POLA1: variants seen among roughly 807,000 people sequenced by gnomAD.
POLA1 encodes the protein DNA polymerase alpha catalytic subunit.
A neutral mutation model predicts 124.0 loss-of-function variants in POLA1; 15 were observed. The ratio of observed to expected loss-of-function variants is 0.12; its 90% CI spans 0.08 to 0.19. The LOEUF is 0.19. Among genes scored for constraint, POLA1 ranks in the 10% least tolerant of loss-of-function variants. POLA1 has a pLI of 1.00. For missense variants in POLA1, 886 were observed against 1,103.4 expected (o/e 0.80, Z 2.79); for synonymous variants, 408 against 389.4 (o/e 1.05, Z -0.56).
rs1308114553 is a variant in POLA1 at position 24,714,445 on chromosome X, T to G, written c.347-109T>G. 8.3e-6 allele frequency: 4 copies of G among 481,949 alleles called. No individual in the cohort carries two copies. In the East Asian group the frequency reaches 1.5e-4, roughly 18 times the overall value. The allele number at this position is 481,949 out of a possible 1,213,427, so 39.7% of individuals were successfully genotyped here. ...TGCTGGGAATACAGGCATGATGTAT[T>G]TTTAATTCTTAACATTTTTCTTCCC... is the stretch of plus-strand genomic sequence containing the variant. On this transcript the variant is annotated intron_variant, in intron 4 of 36. Coordinates refer to ENST00000379068, the MANE Select transcript of POLA1 (RefSeq NM_001330360.2).
intron 17 of POLA1, among the ~76,000 whole-genome samples, chrX:24,734,704 C>G (rs1454317906): frequency 2.7e-5 from 3 of 111,520 alleles, no homozygotes; most frequent in African/African-American, 6.5e-5. Context: ...GCAGCCTCCA[C>G]TCCCTAGTTC....
At chrX:24,982,069 CT>C (rs201718904) in intron 36 of POLA1, among the ~76,000 whole-genome samples, 5,111 of 104,984 alleles carry the variant, frequency 0.049, 149 homozygotes, top group East Asian at 0.21. Context: ...TCTCAGGTCC[CT>C]TTTTTTTTTC....
intron 12 of POLA1, 132 bp downstream of exon 12, chrX:24,724,583 T>C: frequency 2.4e-6 from 1 of 415,811 alleles, no homozygotes; most frequent in South Asian, 4.7e-5. Flanking sequence ...GGAAATTTCA[T>C]AGGTATGAAT....
chrX:24,993,469 C>T (rs1367610425), intron 36 of POLA1, among the ~76,000 whole-genome samples: 1 of 112,676 alleles, frequency 8.9e-6, no homozygotes, highest in Non-Finnish European at 1.9e-5. Flanking sequence ...CTCTCAAAAT[C>T]AAAGCAGGAA....
chrX:24,871,178 A>C (rs1178963633), intron 34 of POLA1, among the ~76,000 whole-genome samples: 1 of 112,308 alleles, frequency 8.9e-6, no homozygotes, highest in Non-Finnish European at 1.9e-5. Context: ...AGAATATGCC[A>C]TTTAGTCTCA....
intron 31 of POLA1, among the ~76,000 whole-genome samples, chrX:24,825,619 G>T (rs2046160073): frequency 8.9e-6 from 1 of 112,037 alleles, no homozygotes; most frequent in Admixed American, 9.5e-5. Flanking sequence ...AGAGATGATG[G>T]TGACATCATT....
intron 20 of POLA1, 135 bp downstream of exon 20, chrX:24,739,685 A>G (rs1454897214): frequency 4.9e-6 from 2 of 410,199 alleles, no homozygotes; most frequent in East Asian, 8.8e-5. Context: ...TACTTTCATA[A>G]TTTGAACTAG....
intron 26 of POLA1, chrX:24,789,201 A>G: frequency 1.8e-6 from 1 of 564,072 alleles, no homozygotes. Flanking sequence ...TGCAAATCAG[A>G]AAGGAAGAAG....
At chrX:24,840,461 CTTTG>C (rs11573432) in intron 32 of POLA1, among the ~76,000 whole-genome samples, 332 of 111,856 alleles carry the variant, frequency 3.0e-3, no homozygotes, top group Non-Finnish European at 5.0e-3. Context: ...TTGTCTTATT[CTTTG>C]TTTGGCCCCT....
intron 35 of POLA1, among the ~76,000 whole-genome samples, chrX:24,898,567 C>T (rs1226007094): frequency 8.9e-6 from 1 of 112,223 alleles, no homozygotes; most frequent in East Asian, 2.8e-4. Context: ...CATCAAATAC[C>T]GCTTCAGCTA....
Position 24,996,517 on chromosome X carries a change from A to G in POLA1, c.*567A>G, listed in dbSNP as rs1367389046. The G allele has an allele frequency of 1.8e-5, 2 of 113,020 alleles. No homozygotes were observed. Among genetic ancestry groups the G allele is most frequent in the Non-Finnish European group, 3.7e-5 (2 of 53,366 alleles). The allele number at this position is 113,020 out of a possible 1,213,427, so 9.3% of individuals were successfully genotyped here. A position where few individuals can be genotyped will look rare whatever the true frequency, so the allele number is the denominator to read the frequency against. On this transcript the variant is annotated 3_prime_UTR_variant, in exon 37 of 37. Transcript: ENST00000379068. ...TGCACTCACTAAATAGATTAAACAG[A>G]GCAGGCTTGTTTGTTGAATTGCTCC... is the stretch of plus-strand genomic sequence containing the variant.
chrX:24,816,489 T>C (rs1394529243), intron 30 of POLA1, among the ~76,000 whole-genome samples: 1 of 112,358 alleles, frequency 8.9e-6, no homozygotes, highest in African/African-American at 3.2e-5. Context: ...GGGGACAATG[T>C]TTCTTGTCAC....
At chrX:24,850,359 A>G (rs145550379) in intron 34 of POLA1, among the ~76,000 whole-genome samples, 2,101 of 112,395 alleles carry the variant, frequency 0.019, 31 homozygotes, top group Middle Eastern at 0.069. Flanking sequence ...TATGTATTCT[A>G]TACAAGCAGC....
chrX:24,794,149 G>A (rs911471608), intron 26 of POLA1, among the ~76,000 whole-genome samples: 1 of 109,080 alleles, frequency 9.2e-6, no homozygotes, highest in African/African-American at 3.4e-5. Context: ...GCTAATTTTT[G>A]TATTTTTTTA....
At chrX:24,716,778 A>C (rs1022436592) in intron 7 of POLA1, 106 bp from the exon 8 acceptor site, 4 of 461,151 alleles carry the variant, frequency 8.7e-6, no homozygotes, top group Non-Finnish European at 1.5e-5. Context: ...ATAATACATA[A>C]AATCTTTTTA....
At chrX:24,808,878 T>C (rs911251575) in intron 26 of POLA1, among the ~76,000 whole-genome samples, 4 of 111,847 alleles carry the variant, frequency 3.6e-5, no homozygotes, top group Non-Finnish European at 7.5e-5. Flanking sequence ...TAAATCTTTA[T>C]TTGGTCTATT....
chrX:24,985,268 C>T (rs937893085), intron 36 of POLA1, among the ~76,000 whole-genome samples: 5 of 112,876 alleles, frequency 4.4e-5, no homozygotes, highest in African/African-American at 1.6e-4. Context: ...AACTTCTCCA[C>T]AGTAGCCATA....
At chrX:24,955,034 C>A (rs1182346100) in intron 36 of POLA1, among the ~76,000 whole-genome samples, 1 of 112,083 alleles carries the variant, frequency 8.9e-6, no homozygotes, top group African/African-American at 3.2e-5. Flanking sequence ...CTACCAACTT[C>A]ATTTCCTTTG....
At chrX:24,894,733 G>A (rs370534550) in intron 35 of POLA1, among the ~76,000 whole-genome samples, 5 of 109,267 alleles carry the variant, frequency 4.6e-5, no homozygotes, top group South Asian at 8.0e-4. Flanking sequence ...CTGTAACTTC[G>A]TCTTAATGTG....
Sources: gnomAD v4.1 joint callset for allele counts (sites outside exome capture counted in the v4.1 genomes callset) on GRCh38, gnomAD v4.1.1 for gene constraint, MANE v1.5 for transcripts, NCBI Gene and HGNC (gene_info 2026-07-23, HGNC 2026-07-21) for gene names.